Variants in POTEI observed in about 807,000 individuals in gnomAD.
POTEI encodes POTE ankyrin domain family, member I.
In POTEI, 14 loss-of-function variants were observed where a neutral mutation model predicts 43.4. The ratio of observed to expected loss-of-function variants is 0.32; its 90% confidence interval spans 0.21 to 0.50. The LOEUF (loss-of-function observed/expected upper bound fraction) is 0.50, where lower values mean the gene tolerates loss of function less well. Among genes scored for constraint, POTEI ranks in the 20% least tolerant of loss-of-function variants. The pLI is 0.98. For missense variants in POTEI, 235 were observed against 795.4 expected (o/e 0.30, Z 8.47); for synonymous variants, 95 against 297.9 (o/e 0.32, Z 7.01).
In POTEI at chr2:130,465,662, A is replaced by AT; in HGVS notation, c.1888dup (p.Met630AsnfsTer4). 3.9e-5 allele frequency: 1 copy of AT among 25,782 alleles called. No homozygotes were observed. Among genetic ancestry groups the AT allele is most frequent in the African/African-American group, 1.4e-4 (1 of 7,346 alleles). The allele number at this position is 25,782 out of a possible 1,614,324, so 1.6% of individuals were successfully genotyped here. On this transcript the variant is annotated frameshift_variant, in exon 14 of 15. Coordinates refer to ENST00000451531, the MANE Select transcript of POTEI (RefSeq NM_001277406.2). LOFTEE classifies it high-confidence loss of function. ...AACTAAAGAAAATACCTCAGAATTC[A>AT]TTTTTTCAACCACTTCTATCTGCTT...
chr2:130,467,440 T>C (rs1682864051), intron 13 of POTEI, among the ~76,000 whole-genome samples: 2 of 133,044 alleles, frequency 1.5e-5, no homozygotes, highest in Admixed American at 1.5e-4. Flanking sequence ...TAAATGGTGC[T>C]GGGAAAAAAA....
Position 130,460,020 on chromosome 2 carries a change from A to T in POTEI, c.*2796T>A, listed in dbSNP as rs1337814926. On this transcript the variant is annotated 3_prime_UTR_variant, in exon 15 of 15. Transcript: ENST00000451531. ...ACACACACAGCAAAGTGATTTAGGAAGTTTCCAAATAAAGGGCTGCCGTAT... is the reference window on the plus strand; with the variant it reads ...ACACACACAGCAAAGTGATTTAGGATGTTTCCAAATAAAGGGCTGCCGTAT... 49 of 149,154 alleles carry T rather than the reference A, an allele frequency of 3.3e-4. No individual in the cohort carries two copies. Among genetic ancestry groups the T allele is most frequent in the African/African-American group, 1.1e-3 (44 of 38,652 alleles). 9.2% of individuals were successfully genotyped at this position (149,154 alleles called of 1,614,324 possible).
intron 13 of POTEI, among the ~76,000 whole-genome samples, chr2:130,468,689 C>G (rs1266151801): frequency 7.3e-6 from 1 of 136,878 alleles, no homozygotes; most frequent in Non-Finnish European, 1.5e-5. Flanking sequence ...CATAGAAACA[C>G]AAAGCCAAAC....
intron 10 of POTEI, among the ~76,000 whole-genome samples, chr2:130,480,470 C>T (rs1324784697): frequency 1.3e-5 from 2 of 150,812 alleles, no homozygotes; most frequent in Admixed American, 6.6e-5. Context: ...GCTGCTCTTC[C>T]TCCCAAACGG....
intron 9 of POTEI, among the ~76,000 whole-genome samples, chr2:130,485,072 G>T (rs1489400829): frequency 6.6e-6 from 1 of 152,380 alleles, no homozygotes; most frequent in East Asian, 1.9e-4. Context: ...CCCAATTTTG[G>T]ATCTGACACG....
chr2:130,486,944 G>A lies in POTEI; in HGVS notation c.1409+1088C>T, dbSNP rs549847628. Among the ~76,000 whole-genome samples the A allele has an allele frequency of 3.7e-3, 395 of 107,970 alleles. 35 individuals carry two copies. Among genetic ancestry groups the A allele is most frequent in the African/African-American group, 0.012 (379 of 30,326 alleles). 70.8% of individuals were successfully genotyped at this position (107,970 alleles called of 152,430 possible). On this transcript the variant is annotated intron_variant, in intron 9 of 14. Transcript: ENST00000451531. ...ACAGATCCCCATGTACAATCCCTTG[G>A]CAATATTCAGATTGAGGGTCCAATA...
chr2:130,504,794 C>T (rs10208519), intron 1 of POTEI, among the ~76,000 whole-genome samples: 117,764 of 141,728 alleles, frequency 0.83, 47,274 homozygotes, highest in East Asian at 0.98. Context: ...TTTTTGTCAA[C>T]ACTTAGATTT....
Position 130,508,573 on chromosome 2 carries a change from C to T in POTEI, c.521+142G>A, listed in dbSNP as rs1328833097. 15 of 485,766 alleles carry T rather than the reference C, an allele frequency of 3.1e-5. 1 individual carries two copies. Among genetic ancestry groups the T allele is most frequent in the Non-Finnish European group, 4.4e-5 (14 of 319,414 alleles). The allele number at this position is 485,766 out of a possible 1,614,324, so 30.1% of individuals were successfully genotyped here. A position where few individuals can be genotyped will look rare whatever the true frequency, so the allele number is the denominator to read the frequency against. ...TGCTGTTCATAAAGGGGCCTGTGCC[C>T]TGACCTCTCTGAGGTTTCCACAACC... On this transcript the variant is annotated intron_variant, in intron 1 of 14. Transcript: ENST00000451531.
At chr2:130,498,019 T>C (rs1395123286) in intron 5 of POTEI, among the ~76,000 whole-genome samples, 5 of 140,960 alleles carry the variant, frequency 3.5e-5, no homozygotes, top group Non-Finnish European at 6.1e-5. Flanking sequence ...GCTTCCACGA[T>C]TTTCATTATC....
At chr2:130,478,617 C>A (rs551709481) in intron 10 of POTEI, among the ~76,000 whole-genome samples, 1 of 131,636 alleles carries the variant, frequency 7.6e-6, no homozygotes, top group African/African-American at 3.2e-5. Flanking sequence ...TGACATGAAG[C>A]CAAGCAGGGC....
In POTEI at chr2:130,494,048, C is replaced by G. The variant is rs1387736733; in HGVS notation, c.1126+2504G>C. On this transcript the variant is annotated intron_variant, in intron 6 of 14. Transcript: ENST00000451531. ...GTAAAGAACCTTCCATCAATCCCAG[C>G]AAACTATAGGCCACAGGCCAAATCC... Among the ~76,000 whole-genome samples the G allele has an allele frequency of 1.1e-3, 48 of 42,710 alleles. 18 individuals carry two copies. Among genetic ancestry groups the G allele is most frequent in the Admixed American group, 2.5e-3 (8 of 3,242 alleles). 28.0% of individuals were successfully genotyped at this position (42,710 alleles called of 152,430 possible).
intron 10 of POTEI, among the ~76,000 whole-genome samples, chr2:130,479,358 A>G (rs904456079): frequency 1.4e-5 from 2 of 144,986 alleles, no homozygotes; most frequent in Admixed American, 6.9e-5. Flanking sequence ...AACATTATTT[A>G]TTTCACCATG....
intron 10 of POTEI, among the ~76,000 whole-genome samples, chr2:130,477,586 A>G (rs1225266270): frequency 1.3e-5 from 2 of 148,200 alleles, no homozygotes; most frequent in Non-Finnish European, 3.0e-5. Context: ...ACTGTACATT[A>G]TTCCTCCACA....
rs1183166650 is a variant in POTEI, at chr2:130,507,283, T to C, written c.521+1432A>G. 9.6e-3 allele frequency among the ~76,000 whole-genome samples: 45 copies of C among 4,682 alleles called. 9 individuals are homozygous for C. In the South Asian group the frequency reaches 0.36, roughly 37 times the overall value. The allele number at this position is 4,682 out of a possible 152,430, so 3.1% of individuals were successfully genotyped here. A position where few individuals can be genotyped will look rare whatever the true frequency, so the allele number is the denominator to read the frequency against. ...CACCAAAAAAAAAAGGATATATATA[T>C]ATATATATATATATATATATATATA... is the stretch of plus-strand genomic sequence containing the variant. On this transcript the variant is annotated intron_variant, in intron 1 of 14. Transcript: ENST00000451531.
In POTEI at chr2:130,508,999, G is replaced by C. The variant is rs779669710; in HGVS notation, c.237C>G (p.Asn79Lys). The C allele has an allele frequency of 6.6e-7, 1 of 1,518,494 alleles. No individual in the cohort carries two copies. The highest frequency in any genetic ancestry group is 2.3e-5 in the East Asian group (1 of 42,794). The allele number at this position is 1,518,494 out of a possible 1,614,324, so 94.1% of individuals were successfully genotyped here. The change falls in exon 1 of 15, where the codon AAC (asparagine) becomes AAG (lysine). Residue 79 changes from asparagine (N) to lysine (K), a missense_variant. Physicochemically the swap from Asn to Lys is moderately conservative, Grantham distance 94 (BLOSUM62 0). Transcript: ENST00000451531. ...CGTCGTGGTCTCCAGAAGTGCCCAC[G>C]TTGCTCTTGCCACTCCCCCTGCAGC... The part of the protein sequence containing the change: ...FPCCRGSGKS[N>K]VGTSGDHDDS...
Position 130,461,410 on chromosome 2 carries a change from G to A in POTEI, c.*1406C>T, listed in dbSNP as rs1421585138. The A allele has an allele frequency of 1.3e-5, 2 of 151,968 alleles. No homozygotes were observed. The highest frequency in any genetic ancestry group is 2.9e-5 in the Non-Finnish European group (2 of 68,090). The allele number at this position is 151,968 out of a possible 1,614,324, so 9.4% of individuals were successfully genotyped here. A position where few individuals can be genotyped will look rare whatever the true frequency, so the allele number is the denominator to read the frequency against. On this transcript the variant is annotated 3_prime_UTR_variant, in exon 15 of 15. Coordinates refer to ENST00000451531, the MANE Select transcript of POTEI (RefSeq NM_001277406.2). ...AGGTAGCCAGAGACCCTGGTTGAAA[G>A]ACTTCACCCACTGACTAGAAATGTG... is the stretch of plus-strand genomic sequence containing the variant.
At chr2:130,478,568 C>T (rs1176569194) in intron 10 of POTEI, among the ~76,000 whole-genome samples, 1 of 112,906 alleles carries the variant, frequency 8.9e-6, no homozygotes, top group Non-Finnish European at 1.7e-5. Flanking sequence ...AAACACAAAG[C>T]ACATTTTGCA....
chr2:130,494,794 A>T (rs1279980592), intron 6 of POTEI, among the ~76,000 whole-genome samples: 2 of 138,020 alleles, frequency 1.4e-5, no homozygotes, highest in Admixed American at 7.8e-5. Context: ...CTGTTCATCT[A>T]GTATTTGCAG....
chr2:130,483,773 T>C (rs1375489960), intron 9 of POTEI, among the ~76,000 whole-genome samples: 5 of 149,554 alleles, frequency 3.3e-5, no homozygotes, highest in Admixed American at 6.7e-5. Context: ...TTTTTTGTAT[T>C]TTTAGTAGAG....
Sources: gnomAD v4.1 joint callset for allele counts (sites outside exome capture counted in the v4.1 genomes callset) on GRCh38, gnomAD v4.1.1 for gene constraint, MANE v1.5 for transcripts, NCBI Gene and HGNC (gene_info 2026-07-23, HGNC 2026-07-21) for gene names.